Variants in CECR2 observed in about 807,000 individuals in gnomAD.
CECR2 encodes CECR2 histone acetyl-lysine reader.
CECR2 carries 30 observed loss-of-function variants against 154.5 expected under a neutral mutation model. The observed-to-expected ratio is 0.19, with a 90% CI of 0.15 to 0.26. CECR2 has a LOEUF of 0.26. CECR2 is among the 10% of genes least tolerant of loss of function. CECR2 has a pLI of 1.00. For synonymous variants in CECR2, 725 were observed against 683.7 expected (o/e 1.06, Z -0.94); for missense variants, 1,743 against 1,829.3 (o/e 0.95, Z 0.86).
chr22:17,470,421 C>T (rs1156371143), intron 1 of CECR2, among the ~76,000 whole-genome samples: 2 of 149,320 alleles, frequency 1.3e-5, no homozygotes, highest in Non-Finnish European at 3.0e-5. Context: ...AAAAAAAATT[C>T]TGTCTATGCA....
At chr22:17,497,265 G>T in intron 2 of CECR2, 138 bp from the exon 3 acceptor site, 1 of 803,732 alleles carries the variant, frequency 1.2e-6, no homozygotes, top group South Asian at 1.9e-5. Flanking sequence ...GCTCTAGCCT[G>T]GATGACAGAG....
At chr22:17,419,010 CG>C in intron 1 of CECR2, 2 of 172,930 alleles carry the variant, frequency 1.2e-5, no homozygotes, top group Non-Finnish European at 2.5e-5. Context: ...AGACAAAGCC[CG>C]GGGCCCTGGC....
chr22:17,551,285 G>A lies in CECR2; in HGVS notation c.4278-746G>A, dbSNP rs181058008. 3.0e-4 allele frequency among the ~76,000 whole-genome samples: 45 copies of A among 152,216 alleles called. 1 individual carries two copies. In the East Asian group the frequency reaches 8.3e-3, roughly 28 times the overall value. Reference sequence around the variant, plus strand: ...TAGAGTTTTTGTTTCTGTTTCCTCAGTTGTCCCCAGAGTGTCTTTTAGAGT... The same window carrying A: ...TAGAGTTTTTGTTTCTGTTTCCTCAATTGTCCCCAGAGTGTCTTTTAGAGT... On this transcript the variant is annotated intron_variant, in intron 17 of 18. Coordinates refer to ENST00000262608, the MANE Select transcript of CECR2 (RefSeq NM_001290047.2).
chr22:17,410,616 T>G (rs1296060132), intron 1 of CECR2, among the ~76,000 whole-genome samples: 4 of 151,906 alleles, frequency 2.6e-5, no homozygotes, highest in Admixed American at 1.3e-4. Context: ...CCCAACTAAT[T>G]TTTGTATTTT....
At chr22:17,378,253 G>C (rs1212752009) in intron 1 of CECR2, among the ~76,000 whole-genome samples, 1 of 151,308 alleles carries the variant, frequency 6.6e-6, no homozygotes, top group Non-Finnish European at 1.5e-5. Flanking sequence ...AAAGTGCTGG[G>C]ATTACAGGTG....
At chr22:17,492,939 T>C (rs34678815) in intron 2 of CECR2, among the ~76,000 whole-genome samples, 2 of 152,114 alleles carry the variant, frequency 1.3e-5, no homozygotes, top group African/African-American at 4.8e-5. Flanking sequence ...AGTGCCACTG[T>C]TCTTTTTCCT....
At chr22:17,507,834 C>G (rs2146911012) in intron 7 of CECR2, among the ~76,000 whole-genome samples, 1 of 152,148 alleles carries the variant, frequency 6.6e-6, no homozygotes, top group African/African-American at 2.4e-5. Flanking sequence ...TCCTATTAAC[C>G]AGAAGAATAG....
At chr22:17,529,622 C>G (rs979529397) in intron 9 of CECR2, among the ~76,000 whole-genome samples, 5 of 151,904 alleles carry the variant, frequency 3.3e-5, no homozygotes, top group Non-Finnish European at 7.4e-5. Context: ...ATGGCGTGAA[C>G]CCGGGAGGCG....
intron 1 of CECR2, among the ~76,000 whole-genome samples, chr22:17,475,709 A>G (rs1296975148): frequency 1.3e-5 from 2 of 152,064 alleles, no homozygotes; most frequent in Non-Finnish European, 2.9e-5. Flanking sequence ...TTTGGCTTTG[A>G]AGATTTTGCT....
chr22:17,376,181 C>T (rs934594872), intron 1 of CECR2, among the ~76,000 whole-genome samples: 5 of 152,118 alleles, frequency 3.3e-5, no homozygotes, highest in African/African-American at 1.2e-4. Flanking sequence ...ACCAGGTCCC[C>T]TTTCTATTTA....
chr22:17,439,093 A>T (rs1169902468), intron 1 of CECR2, among the ~76,000 whole-genome samples: 2 of 152,062 alleles, frequency 1.3e-5, no homozygotes, highest in Non-Finnish European at 2.9e-5. Context: ...TACTTGCTAG[A>T]TATTTTTTCT....
At chr22:17,538,782 G>A in intron 12 of CECR2, 51 bp downstream of exon 12, 4 of 1,489,964 alleles carry the variant, frequency 2.7e-6, no homozygotes, top group South Asian at 1.2e-5. Context: ...TATCTTTCTT[G>A]GGTTTTGTTG....
chr22:17,504,683 C>T (rs570960715), intron 6 of CECR2, among the ~76,000 whole-genome samples, 164 bp from the exon 7 acceptor site: 67 of 151,774 alleles, frequency 4.4e-4, no homozygotes, highest in African/African-American at 1.4e-3. Flanking sequence ...CCTCGTGATC[C>T]GCCCGCCTCG....
intron 1 of CECR2, among the ~76,000 whole-genome samples, chr22:17,381,742 G>A (rs1402957209): frequency 6.6e-6 from 1 of 152,120 alleles, no homozygotes; most frequent in Non-Finnish European, 1.5e-5. Flanking sequence ...TGTTTGCCCA[G>A]TGAGCGATAG....
chr22:17,542,926 C>G lies in CECR2; in HGVS notation c.2783C>G (p.Ser928Ter). 1 of 1,613,962 alleles carries G rather than the reference C, an allele frequency of 6.2e-7. No homozygotes were observed. The highest frequency in any genetic ancestry group is 8.5e-7 in the Non-Finnish European group (1 of 1,179,862). The change falls in exon 16 of 19, where the codon TCA (serine) becomes TGA (stop). Residue 928 changes from serine to a stop codon, truncating the protein, a stop_gained. Coordinates refer to ENST00000262608, the MANE Select transcript of CECR2 (RefSeq NM_001290047.2). LOFTEE classifies it high-confidence loss of function. ...QVAHPMSVTV[S>*]APKPALGNPG... is the part of the protein sequence containing the mutation. ...GCTCACCCAATGTCAGTCACTGTGT[C>G]AGCCCCCAAGCCTGCCCTGGGCAAC...
intron 1 of CECR2, among the ~76,000 whole-genome samples, chr22:17,416,754 A>G (rs2146587163): frequency 6.6e-6 from 1 of 152,276 alleles, no homozygotes; most frequent in Middle Eastern, 3.4e-3. Context: ...TGCCTGCCTC[A>G]GTCTCCCAAA....
intron 1 of CECR2, among the ~76,000 whole-genome samples, chr22:17,458,746 C>T (rs550163795): frequency 3.9e-5 from 6 of 152,228 alleles, no homozygotes; most frequent in African/African-American, 1.2e-4. Flanking sequence ...ACCAAATATT[C>T]TTGGAAAGCA....
chr22:17,509,893 G>A (rs931920742), intron 7 of CECR2, among the ~76,000 whole-genome samples: 5 of 152,104 alleles, frequency 3.3e-5, no homozygotes, highest in African/African-American at 7.2e-5. Flanking sequence ...TCTTTGTTGA[G>A]GTATTATATG....
intron 1 of CECR2, among the ~76,000 whole-genome samples, chr22:17,361,691 C>G (rs554169416): frequency 6.6e-6 from 1 of 150,536 alleles, no homozygotes; most frequent in Admixed American, 6.7e-5. Flanking sequence ...TGCAGTGAGC[C>G]GAGATTGAGC....
Sources: gnomAD v4.1 joint callset for allele counts (sites outside exome capture counted in the v4.1 genomes callset) on GRCh38, gnomAD v4.1.1 for gene constraint, MANE v1.5 for transcripts, NCBI Gene and HGNC (gene_info 2026-07-23, HGNC 2026-07-21) for gene names.